The following BIRC7 variants were observed in gnomAD, a reference collection of about 807,000 sequenced individuals.
The protein encoded by BIRC7 is baculoviral IAP repeat containing 7.
A neutral mutation model predicts 33.2 loss-of-function variants in BIRC7; 26 were observed. That is an observed-to-expected ratio of 0.78 (90% CI 0.57 to 1.09). The LOEUF is 1.09. Among genes scored for constraint, BIRC7 ranks in the 50% least tolerant of loss-of-function variants. The probability of loss-of-function intolerance (pLI) is 0.00; values close to 1 mark genes in which losing one functional copy is unlikely to be tolerated. For missense variants in BIRC7, 409 were observed against 401.2 expected, an observed-to-expected ratio of 1.02 and a Z score of -0.17; for synonymous variants, 176 against 171.0, an observed-to-expected ratio of 1.03 and a Z score of -0.23.
intron 4 of BIRC7, chr20:63,238,949 G>A (rs1327966110): frequency 4.7e-6 from 3 of 642,336 alleles, no homozygotes; most frequent in Non-Finnish European, 8.1e-6. Context: ...AGAGGGCATT[G>A]GACAAGGGAC....
rs558241909 is a variant in BIRC7, at chr20:63,239,396, G to A, written c.688G>A (p.Val230Ile). 4 of 1,604,954 alleles carry A rather than the reference G, an allele frequency of 2.5e-6. No individual in the cohort carries two copies. In the Admixed American group the frequency reaches 6.7e-5, roughly 27 times the overall value. Residue 230 changes from valine (V) to isoleucine (I), a missense_variant, in exon 6 of 7, where the codon GTT becomes ATT. Physicochemically the swap from Val to Ile is conservative, Grantham distance 29. Coordinates refer to ENST00000217169, the MANE Select transcript of BIRC7 (RefSeq NM_139317.3). ...SPAEAQRAWWVLEPPGARDVE... is the reference protein window; with the variant it reads ...SPAEAQRAWWILEPPGARDVE... Reference sequence around the variant, plus strand: ...AGCCGAGGCCCAGAGGGCGTGGTGGGTTCTTGAGCCCCCAGGAGCCAGGGA... The same window carrying A: ...AGCCGAGGCCCAGAGGGCGTGGTGGATTCTTGAGCCCCCAGGAGCCAGGGA...
chr20:63,239,420 G>A lies in BIRC7; in HGVS notation c.712G>A (p.Asp238Asn), dbSNP rs750757399. ...GGTTCTTGAGCCCCCAGGAGCCAGG[G>A]ATGTGGAGGCGCAGCTGCGGCGGCT... ...WWVLEPPGAR[D>N]VEAQLRRLQE... The change falls in exon 6 of 7, where the codon GAT becomes AAT. Residue 238 changes from aspartate to asparagine, a missense_variant. Asp to Asn is a conservative substitution (Grantham distance 23, BLOSUM62 1). Coordinates refer to ENST00000217169, the MANE Select transcript of BIRC7 (RefSeq NM_139317.3). 14 of 1,606,238 alleles carry A rather than the reference G, an allele frequency of 8.7e-6. No homozygotes were observed. The highest frequency in any genetic ancestry group is 4.0e-5 in the African/African-American group (3 of 74,912).
chr20:63,237,176 G>A (rs2066694919), intron 1 of BIRC7, among the ~76,000 whole-genome samples: 2 of 152,214 alleles, frequency 1.3e-5, no homozygotes, highest in South Asian at 4.1e-4. Flanking sequence ...ACCAACTTAA[G>A]ACAGCTGGTC....
At chr20:63,238,288 G>A in intron 2 of BIRC7, 108 bp from the exon 3 acceptor site, 4 of 1,353,918 alleles carry the variant, frequency 3.0e-6, no homozygotes, top group South Asian at 1.2e-5. Context: ...CACGGGCACT[G>A]CAGGGTGGCG....
chr20:63,238,847 C>T (rs2066709630), intron 4 of BIRC7: 1 of 652,558 alleles, frequency 1.5e-6, no homozygotes, highest in Non-Finnish European at 2.6e-6. Context: ...CCAGCTTACC[C>T]CTTGGGCACA....
At chr20:63,239,016 G>A (rs1278635631) in intron 4 of BIRC7, 146 bp from the exon 5 acceptor site, 3 of 829,514 alleles carry the variant, frequency 3.6e-6, no homozygotes, top group Non-Finnish European at 5.8e-6. Context: ...TGTGGGAGGG[G>A]TGGGAAGAAG....
Position 63,239,190 on chromosome 20 carries a change from C to A in BIRC7, c.606C>A (p.Pro202=). 1 of 1,612,848 alleles carries A rather than the reference C, an allele frequency of 6.2e-7. No homozygotes were observed. Among genetic ancestry groups the A allele is most frequent in the Non-Finnish European group, 8.5e-7 (1 of 1,179,990 alleles). Residue 202 remains proline, a synonymous_variant, in exon 5 of 7, where the codon CCC becomes CCA. Transcript: ENST00000217169. ...SVPASGYPEL[P]TPRREVQSES... ...CTGCCTCTGGGTACCCTGAGCTGCCCACACCCAGGAGAGAGGTCCAGTCTG... is the reference window on the plus strand; with the variant it reads ...CTGCCTCTGGGTACCCTGAGCTGCCAACACCCAGGAGAGAGGTCCAGTCTG...
Position 63,239,572 on chromosome 20 carries a change from C to T in BIRC7, c.864C>T (p.Pro288=), listed in dbSNP as rs985717864. Residue 288 remains proline (P), a synonymous_variant, in exon 6 of 7, where the codon CCC becomes CCT. Transcript: ENST00000217169. The part of the protein sequence containing the change: ...GLQLCPICRA[P]VRSRVRTFLS ...AGCTGTGCCCCATCTGCAGAGCCCC[C>T]GTCCGCAGCCGCGTGCGCACCTTCC... 4.8e-5 allele frequency: 77 copies of T among 1,600,434 alleles called. No homozygotes were observed. The highest frequency in any genetic ancestry group is 8.0e-5 in the African/African-American group (6 of 74,868).
chr20:63,239,711 G>A, intron 6 of BIRC7, 101 bp downstream of exon 6: 1 of 1,407,894 alleles, frequency 7.1e-7, no homozygotes, highest in African/African-American at 1.4e-5. Context: ...TTCCCGGGTG[G>A]CAGCGTCAGC....
intron 3 of BIRC7, 43 bp from the exon 4 acceptor site, chr20:63,238,526 C>T: frequency 1.2e-6 from 2 of 1,613,074 alleles, no homozygotes; most frequent in Non-Finnish European, 1.7e-6. Context: ...GGGTCCTGCC[C>T]CTCCTATTTC....
At chr20:63,238,321 C>A in intron 2 of BIRC7, 75 bp from the exon 3 acceptor site, 1 of 1,561,472 alleles carries the variant, frequency 6.4e-7, no homozygotes, top group Non-Finnish European at 8.8e-7. Context: ...CCAACCCTGA[C>A]CCCCGGGGAT....
In BIRC7 at chr20:63,239,480, C is replaced by T. The variant is rs761954614; in HGVS notation, c.772C>T (p.Arg258Cys). ...EERTCKVCLD[R>C]AVSIVFVPCG... ...GAGGACGTGCAAGGTGTGCCTGGACCGCGCCGTGTCCATCGTCTTTGTGCC... is the reference window on the plus strand; with the variant it reads ...GAGGACGTGCAAGGTGTGCCTGGACTGCGCCGTGTCCATCGTCTTTGTGCC... Residue 258 changes from arginine (R) to cysteine (C), a missense_variant, in exon 6 of 7, where the codon CGC (arginine) becomes TGC (cysteine). Transcript: ENST00000217169. 52 of 1,606,738 alleles carry T rather than the reference C, an allele frequency of 3.2e-5. No individual in the cohort carries two copies. The highest frequency in any genetic ancestry group is 1.1e-4 in the African/African-American group (8 of 74,910).
At position 63,239,198 on chromosome 20, in the gene BIRC7, GGAGA is replaced by G. The variant is rs772478876; in HGVS notation, c.618_621del (p.Glu207SerfsTer155). The G allele has an allele frequency of 4.6e-5, 74 of 1,612,882 alleles. 1 individual carries two copies. The South Asian group carries it at 8.1e-4, about 18-fold the overall frequency. On this transcript the variant is annotated frameshift_variant, in exon 5 of 7. Transcript: ENST00000217169. LOFTEE classifies it high-confidence loss of function. ...GGGTACCCTGAGCTGCCCACACCCA[GGAGA>G]GAGGTCCAGTCTGAAAGTGCCCAGG... is the stretch of plus-strand genomic sequence containing the variant.
Position 63,239,155 on chromosome 20 carries a change from T to A in BIRC7, c.578-7T>A. ...TTAGGCCTCAAGTCTATCCTAACTGTCCACAGTCCCTGCCTCTGGGTACCC... is the reference window on the plus strand; with the variant it reads ...TTAGGCCTCAAGTCTATCCTAACTGACCACAGTCCCTGCCTCTGGGTACCC... On this transcript the variant is annotated splice_region_variant and splice_polypyrimidine_tract_variant and intron_variant, in intron 4 of 6. Transcript: ENST00000217169. The A allele has an allele frequency of 1.2e-6, 2 of 1,612,178 alleles. No homozygotes were observed. The highest frequency in any genetic ancestry group is 8.5e-7 in the Non-Finnish European group (1 of 1,179,670).
chr20:63,239,987 C>T (rs945895252), intron 6 of BIRC7, among the ~76,000 whole-genome samples: 2 of 152,228 alleles, frequency 1.3e-5, no homozygotes, highest in Non-Finnish European at 2.9e-5. Context: ...GGCTTCAACC[C>T]GGGGCCAAGG....
rs1447344170 is a variant in BIRC7, at chr20:63,236,092, C to T, written c.-5C>T. Reference sequence around the variant, plus strand: ...GCAAACCTGGTCAGAGCCAGTGTTCCCTCCATGGGACCTAAAGACAGTGCC... The same window carrying T: ...GCAAACCTGGTCAGAGCCAGTGTTCTCTCCATGGGACCTAAAGACAGTGCC... On this transcript the variant is annotated 5_prime_UTR_variant, in exon 1 of 7. Coordinates refer to ENST00000217169, the MANE Select transcript of BIRC7 (RefSeq NM_139317.3). 6.5e-6 allele frequency: 10 copies of T among 1,530,610 alleles called. No individual in the cohort carries two copies. Among genetic ancestry groups the T allele is most frequent in the Non-Finnish European group, 8.9e-6 (10 of 1,129,282 alleles). The allele number at this position is 1,530,610 out of a possible 1,614,324, so 94.8% of individuals were successfully genotyped here. A position where few individuals can be genotyped will look rare whatever the true frequency, so the allele number is the denominator to read the frequency against.
intron 2 of BIRC7, 27 bp downstream of exon 2, chr20:63,238,029 G>C: frequency 1.3e-6 from 2 of 1,556,050 alleles, no homozygotes; most frequent in East Asian, 2.3e-5. Flanking sequence ...CGGGGCCCCG[G>C]GTCTGATCAT....
At chr20:63,238,817 G>A (rs2066709303) in intron 4 of BIRC7, 3 of 689,336 alleles carry the variant, frequency 4.4e-6, no homozygotes, top group Non-Finnish European at 7.2e-6. Flanking sequence ...CCCAGTGCCA[G>A]GCCCCATTCT....
Position 63,236,010 on chromosome 20 carries a change from C to CTCCA in BIRC7, c.-86_-83dup. ...CAGGGTGGGCCCCGGGGGTCAGGAG[C>CTCCA]TCCAGAAGGGCCAGCTGGGCATATT... On this transcript the variant is annotated 5_prime_UTR_variant, in exon 1 of 7. Transcript: ENST00000217169. 1 of 1,444,014 alleles carries CTCCA rather than the reference C, an allele frequency of 6.9e-7. No homozygotes were observed. The highest frequency in any genetic ancestry group is 9.2e-7 in the Non-Finnish European group (1 of 1,084,258). The allele number at this position is 1,444,014 out of a possible 1,614,324, so 89.5% of individuals were successfully genotyped here. A position where few individuals can be genotyped will look rare whatever the true frequency, so the allele number is the denominator to read the frequency against.
Sources: gnomAD v4.1 joint callset for allele counts (sites outside exome capture counted in the v4.1 genomes callset) on GRCh38, gnomAD v4.1.1 for gene constraint, MANE v1.5 for transcripts, NCBI Gene and HGNC (gene_info 2026-07-23, HGNC 2026-07-21) for gene names.